FNTB: variants seen among roughly 807,000 people sequenced by gnomAD.
FNTB encodes farnesyltransferase, CAAX box, subunit beta, also known as protein farnesyltransferase subunit beta.
Under a neutral mutation model 59.4 loss-of-function variants are expected in FNTB, and 27 were observed. The ratio of observed to expected loss-of-function variants is 0.45; its 90% CI spans 0.34 to 0.63. The LOEUF (loss-of-function observed/expected upper bound fraction) is 0.63. Among genes scored for constraint, FNTB ranks in the 20% least tolerant of loss-of-function variants. FNTB has a pLI of 0.02. For missense variants in FNTB, 449 were observed against 559.6 expected, an observed-to-expected ratio of 0.80 and a Z score of 1.99; for synonymous variants, 230 against 220.7, an observed-to-expected ratio of 1.04 and a Z score of -0.37.
chr14:64,989,011 G>T (rs894300325), intron 1 of FNTB, among the ~76,000 whole-genome samples: 1 of 152,064 alleles, frequency 6.6e-6, no homozygotes, highest in Non-Finnish European at 1.5e-5. Context: ...GAGGTTTAGA[G>T]ACCTACCACA....
chr14:65,007,873 A>T lies in FNTB; in HGVS notation c.209+3560A>T, dbSNP rs1380758538. On this transcript the variant is annotated intron_variant, in intron 2 of 11. Coordinates refer to ENST00000246166, the MANE Select transcript of FNTB (RefSeq NM_002028.4). This position sits in a 1 kb window ranked among gnomAD's most constrained non-coding sequence, Gnocchi z 4.9. ...CTGGGCAAGGAGACGGGTGCTCCTCAGAAGTGAGAAATATTGATAATGTCC... is the reference window on the plus strand; with the variant it reads ...CTGGGCAAGGAGACGGGTGCTCCTCTGAAGTGAGAAATATTGATAATGTCC... Among the ~76,000 whole-genome samples, 2 of 152,202 alleles carry T rather than the reference A, an allele frequency of 1.3e-5. No homozygotes were observed. Among genetic ancestry groups the T allele is most frequent in the East Asian group, 3.8e-4 (2 of 5,202 alleles).
chr14:64,987,648 G>A (rs943776190), intron 1 of FNTB: 2 of 157,672 alleles, frequency 1.3e-5, no homozygotes, highest in Non-Finnish European at 2.8e-5. Flanking sequence ...AATATTAAAC[G>A]ATGGAAGTAC....
chr14:65,018,971 G>C (rs369429698), intron 4 of FNTB, among the ~76,000 whole-genome samples: 1 of 151,886 alleles, frequency 6.6e-6, no homozygotes, highest in East Asian at 1.9e-4. Flanking sequence ...TTAGCCAAGC[G>C]TGGTGGCGCA....
chr14:64,988,726 C>T (rs1307588720), intron 1 of FNTB, among the ~76,000 whole-genome samples: 1 of 152,180 alleles, frequency 6.6e-6, no homozygotes, highest in African/African-American at 2.4e-5. Context: ...GCCACTGCTC[C>T]TGGTGCGAGT....
chr14:65,027,293 C>T lies in FNTB; in HGVS notation c.375-160C>T. On this transcript the variant is annotated intron_variant, in intron 4 of 11. Coordinates refer to ENST00000246166, the MANE Select transcript of FNTB (RefSeq NM_002028.4). The surrounding 1 kb of genome is among the most constrained non-coding windows in gnomAD (Gnocchi z 5.7). ...GATGATAGCTGGAGAGAGAATTAAGCCCTTTGGGGAGAGGTTATATTCAAC... is the reference window on the plus strand; with the variant it reads ...GATGATAGCTGGAGAGAGAATTAAGTCCTTTGGGGAGAGGTTATATTCAAC... 1 of 1,105,016 alleles carries T rather than the reference C, an allele frequency of 9.0e-7. No individual in the cohort carries two copies. Among genetic ancestry groups the T allele is most frequent in the Non-Finnish European group, 1.3e-6 (1 of 777,794 alleles). The allele number at this position is 1,105,016 out of a possible 1,614,324, so 68.5% of individuals were successfully genotyped here.
At chr14:65,039,642 T>C (rs1328447279) in intron 7 of FNTB, among the ~76,000 whole-genome samples, 7 of 152,122 alleles carry the variant, frequency 4.6e-5, no homozygotes, top group African/African-American at 1.2e-4. Context: ...CTAAGTCAGT[T>C]ATTTCTTGTC....
chr14:65,057,638 C>T (rs1040301181), intron 11 of FNTB, among the ~76,000 whole-genome samples: 11 of 152,126 alleles, frequency 7.2e-5, no homozygotes, highest in Non-Finnish European at 1.6e-4. Flanking sequence ...ATGAACAAGG[C>T]AATGCAGCAA....
rs375967629 is a variant in FNTB, at chr14:65,030,003, C to CTG, written c.605+2223_605+2224dup. Among the ~76,000 whole-genome samples the CTG allele has an allele frequency of 3.2e-3, 492 of 152,272 alleles. 2 individuals are homozygous for CTG. The highest frequency in any genetic ancestry group is 0.011 in the African/African-American group (461 of 41,548). On this transcript the variant is annotated intron_variant, in intron 6 of 11. Coordinates refer to ENST00000246166, the MANE Select transcript of FNTB (RefSeq NM_002028.4). This position sits in a 1 kb window ranked among gnomAD's most constrained non-coding sequence, Gnocchi z 4.5. ...AATTCAAATTTGAGAGCTGCGATGA[C>CTG]TGGGTGGAGGGAAAGGGGGAGAAAT...
intron 1 of FNTB, among the ~76,000 whole-genome samples, chr14:64,999,121 C>G (rs1342182886): frequency 1.3e-5 from 2 of 152,182 alleles, no homozygotes; most frequent in Admixed American, 6.5e-5. Flanking sequence ...CAATTCCAAA[C>G]AGGTAAATTT....
intron 4 of FNTB, among the ~76,000 whole-genome samples, chr14:65,020,318 G>A (rs1446473121): frequency 6.6e-6 from 1 of 152,228 alleles, no homozygotes; most frequent in Non-Finnish European, 1.5e-5. Flanking sequence ...TTGCTGTGTT[G>A]CCTGGGCTGG....
In FNTB at chr14:65,032,496, G is replaced by A; in HGVS notation, c.606-114G>A. 1 of 1,099,046 alleles carries A rather than the reference G, an allele frequency of 9.1e-7. No individual in the cohort carries two copies. Among genetic ancestry groups the A allele is most frequent in the South Asian group, 1.6e-5 (1 of 62,810 alleles). 68.1% of individuals were successfully genotyped at this position (1,099,046 alleles called of 1,614,324 possible). A position where few individuals can be genotyped will look rare whatever the true frequency, so the allele number is the denominator to read the frequency against. ...GGACTGACCGTGTGCCAAGAGTGAG[G>A]ACAGGAGGTGATTACAGCTTACTAG... On this transcript the variant is annotated intron_variant, in intron 6 of 11. Transcript: ENST00000246166. This position sits in a 1 kb window ranked among gnomAD's most constrained non-coding sequence, Gnocchi z 5.0.
intron 9 of FNTB, among the ~76,000 whole-genome samples, chr14:65,048,177 A>G (rs1353657643): frequency 6.6e-6 from 1 of 151,692 alleles, no homozygotes; most frequent in Non-Finnish European, 1.5e-5. Flanking sequence ...GAGACAGGAT[A>G]TGACTATGTT....
rs2062072647 is a variant in FNTB, at chr14:65,031,109, G to A, written c.606-1501G>A. 6.6e-6 allele frequency among the ~76,000 whole-genome samples: 1 copy of A among 151,306 alleles called. No homozygotes were observed. Among genetic ancestry groups the A allele is most frequent in the South Asian group, 2.1e-4 (1 of 4,776 alleles). ...AGGCATGAGCTACCATGCCTGGCCA[G>A]GAGAAGGATTTTTGAGCAGAATTCA... On this transcript the variant is annotated intron_variant, in intron 6 of 11. Coordinates refer to ENST00000246166, the MANE Select transcript of FNTB (RefSeq NM_002028.4). The surrounding 1 kb of genome is among the most constrained non-coding windows in gnomAD (Gnocchi z 4.6).
At position 65,016,155 on chromosome 14, in the gene FNTB, C is replaced by G. The variant is rs79262795; in HGVS notation, c.374+439C>G. On this transcript the variant is annotated intron_variant, in intron 4 of 11. Coordinates refer to ENST00000246166, the MANE Select transcript of FNTB (RefSeq NM_002028.4). ...ACCTCCCCGCTCCCGGTGCTTGGAG[C>G]GACCATGTAGCTCTTGATGGGACTG... Among the ~76,000 whole-genome samples, 984 of 152,270 alleles carry G rather than the reference C, an allele frequency of 6.5e-3. 17 individuals are homozygous for G. Among genetic ancestry groups the G allele is most frequent in the South Asian group, 0.043 (209 of 4,816 alleles).
chr14:64,999,105 T>A (rs1888508434), intron 1 of FNTB, among the ~76,000 whole-genome samples: 1 of 152,254 alleles, frequency 6.6e-6, no homozygotes, highest in Non-Finnish European at 1.5e-5. Context: ...TGATTCCATT[T>A]ATATACAATT....
chr14:65,009,547 C>G lies in FNTB; in HGVS notation c.210-2770C>G, dbSNP rs140726272. Among the ~76,000 whole-genome samples, 5 of 152,114 alleles carry G rather than the reference C, an allele frequency of 3.3e-5. No homozygotes were observed. The highest frequency in any genetic ancestry group is 1.2e-4 in the African/African-American group (5 of 41,404). ...CGCTAGCTTCGTACCCATCATTTCT[C>G]GCTCAAAGAATGCAGCATCCTTCCT... On this transcript the variant is annotated intron_variant, in intron 2 of 11. Coordinates refer to ENST00000246166, the MANE Select transcript of FNTB (RefSeq NM_002028.4). The surrounding 1 kb of genome is among the most constrained non-coding windows in gnomAD (Gnocchi z 4.2).
chr14:65,049,640 C>T (rs1030506109), intron 9 of FNTB, among the ~76,000 whole-genome samples: 7 of 151,950 alleles, frequency 4.6e-5, no homozygotes, highest in African/African-American at 1.5e-4. Context: ...ATAAACATAG[C>T]GTTTTCTTTT....
At position 65,040,909 on chromosome 14, in the gene FNTB, A is replaced by G; in HGVS notation, c.812A>G (p.Lys271Arg). The G allele has an allele frequency of 6.2e-7, 1 of 1,613,808 alleles. No individual in the cohort carries two copies. The highest frequency in any genetic ancestry group is 8.5e-7 in the Non-Finnish European group (1 of 1,179,810). ...ILKRERSLNL[K>R]SLLQWVTSRQ... ...AAGAGGGAACGTTCCTTGAACTTGA[A>G]GAGCTTATTAGTAAGTATCTTTTGA... Residue 271 changes from lysine (K) to arginine (R), a missense_variant, in exon 8 of 12, where the codon AAG becomes AGG. Lys to Arg is a conservative substitution (Grantham distance 26). This residue lies in a region of FNTB where 337 missense variants were observed against 479.1 expected (regional missense o/e 0.70). Coordinates refer to ENST00000246166, the MANE Select transcript of FNTB (RefSeq NM_002028.4).
In FNTB at chr14:65,012,045, C is replaced by T. The variant is rs548920956; in HGVS notation, c.210-272C>T. ...CTGCGTGTGCTCATTGCGGCTTTTC[C>T]GTTAGCCCAAAGTCACTGCCTTTAG... On this transcript the variant is annotated intron_variant, in intron 2 of 11. Transcript: ENST00000246166. This position sits in a 1 kb window ranked among gnomAD's most constrained non-coding sequence, Gnocchi z 5.0. 23 of 367,428 alleles carry T rather than the reference C, an allele frequency of 6.3e-5. 1 individual carries two copies. The highest frequency in any genetic ancestry group is 2.5e-4 in the African/African-American group (12 of 48,764). The allele number at this position is 367,428 out of a possible 1,614,324, so 22.8% of individuals were successfully genotyped here.
Sources: allele counts gnomAD v4.1 joint callset (sites outside exome capture counted in the v4.1 genomes callset), GRCh38; gene constraint gnomAD v4.1.1; regional missense constraint gnomAD v4.1.1; non-coding constraint Gnocchi (gnomAD v3.1); transcripts MANE v1.5; gene names NCBI Gene and HGNC (gene_info 2026-07-23, HGNC 2026-07-21).